The following TEKT5 variants were observed in gnomAD, a reference collection of about 807,000 sequenced individuals.
TEKT5 encodes tektin-5.
In TEKT5, 52 loss-of-function variants were observed where a neutral mutation model predicts 48.7. That is an observed-to-expected ratio of 1.07 (90% CI 0.86 to 1.35). The LOEUF (loss-of-function observed/expected upper bound fraction) is 1.35, where lower values mean the gene tolerates loss of function less well. Ranked by LOEUF, TEKT5 falls within the 40% of genes most tolerant of loss-of-function variation. The probability of loss-of-function intolerance (pLI) is 0.00; values close to 1 mark genes in which losing one functional copy is unlikely to be tolerated. For missense variants in TEKT5, 831 were observed against 641.6 expected (o/e 1.30, Z -3.19); for synonymous variants, 318 against 267.6 (o/e 1.19, Z -1.84).
intron 4 of TEKT5, among the ~76,000 whole-genome samples, 199 bp downstream of exon 4, chr16:10,681,794 A>T (rs1898756781): frequency 6.6e-6 from 1 of 151,822 alleles, no homozygotes; most frequent in African/African-American, 2.4e-5. Context: ...TGGCTCCCCC[A>T]TACCTCCTCC....
At chr16:10,661,826 A>G (rs1173578398) in intron 5 of TEKT5, among the ~76,000 whole-genome samples, 2 of 152,142 alleles carry the variant, frequency 1.3e-5, no homozygotes, top group Non-Finnish European at 2.9e-5. Flanking sequence ...TGTGAGCCTC[A>G]GTTTCCCCAT....
intron 5 of TEKT5, among the ~76,000 whole-genome samples, chr16:10,648,822 G>C (rs1898110301): frequency 6.6e-6 from 1 of 152,232 alleles, no homozygotes; most frequent in Non-Finnish European, 1.5e-5. Flanking sequence ...GCAGGCCACA[G>C]GCTCAGACTG....
intron 5 of TEKT5, among the ~76,000 whole-genome samples, chr16:10,643,650 ATC>A (rs1444008331): frequency 6.6e-6 from 1 of 152,266 alleles, no homozygotes; most frequent in African/African-American, 2.4e-5. Context: ...GTTATAAAAT[ATC>A]TCTGCAATAA....
chr16:10,636,666 G>A (rs183375139), intron 5 of TEKT5, among the ~76,000 whole-genome samples: 276 of 144,748 alleles, frequency 1.9e-3, no homozygotes, highest in African/African-American at 6.9e-3. Flanking sequence ...ACTTCATCTG[G>A]GTTTTTTCAT....
intron 2 of TEKT5, 121 bp downstream of exon 2, chr16:10,689,821 C>A: frequency 1.1e-6 from 1 of 946,098 alleles, no homozygotes; most frequent in East Asian, 2.6e-5. Context: ...TTCCTGAGCC[C>A]TCACTTTCCA....
At chr16:10,643,084 A>G (rs1898018032) in intron 5 of TEKT5, among the ~76,000 whole-genome samples, 1 of 152,216 alleles carries the variant, frequency 6.6e-6, no homozygotes, top group African/African-American at 2.4e-5. Flanking sequence ...GTGTCAATTT[A>G]AAAAATAAAA....
chr16:10,661,044 G>A (rs1898362358), intron 5 of TEKT5, among the ~76,000 whole-genome samples: 1 of 152,036 alleles, frequency 6.6e-6, no homozygotes. Context: ...TTAAATTGCT[G>A]CAAGTCTCAA....
In TEKT5 at chr16:10,678,350, G is replaced by C. The variant is rs140219814; in HGVS notation, c.864-2169C>G. Among the ~76,000 whole-genome samples the C allele has an allele frequency of 5.0e-3, 760 of 152,216 alleles. 11 individuals are homozygous for C. The highest frequency in any genetic ancestry group is 0.017 in the African/African-American group (690 of 41,530). On this transcript the variant is annotated intron_variant, in intron 4 of 6. Transcript: ENST00000283025. ...TTGACGTCGTGATTCGCCCACCTCA[G>C]CCTCCCAAAGTGCTGGAATTACGGG...
At chr16:10,637,547 A>C (rs1897934024) in intron 5 of TEKT5, among the ~76,000 whole-genome samples, 1 of 152,226 alleles carries the variant, frequency 6.6e-6, no homozygotes, top group Admixed American at 6.5e-5. Context: ...ATATGATGTC[A>C]CCATTGTACC....
intron 5 of TEKT5, among the ~76,000 whole-genome samples, chr16:10,639,981 TTTC>T (rs1897967430): frequency 6.8e-6 from 1 of 148,056 alleles, no homozygotes; most frequent in African/African-American, 2.5e-5. Context: ...ATGCTTCTTC[TTTC>T]TTCTTTTTCT....
At chr16:10,631,389 C>G (rs1897839882) in intron 6 of TEKT5, among the ~76,000 whole-genome samples, 1 of 150,320 alleles carries the variant, frequency 6.7e-6, no homozygotes, top group African/African-American at 2.5e-5. Context: ...GAATGGCATG[C>G]TGACTCGAGT....
intron 5 of TEKT5, among the ~76,000 whole-genome samples, chr16:10,640,127 C>CTCCCTCCTCCCCCT (rs1897973933): frequency 7.6e-6 from 1 of 131,170 alleles, no homozygotes; most frequent in Admixed American, 7.9e-5. Flanking sequence ...CTCCTCCCCC[C>CTCCCTCCTCCCCCT]TTCCTCCTCC....
chr16:10,667,370 A>C (rs1039378217), intron 5 of TEKT5, among the ~76,000 whole-genome samples: 2 of 152,216 alleles, frequency 1.3e-5, no homozygotes, highest in African/African-American at 4.8e-5. Flanking sequence ...ACCGACTCCT[A>C]TACCAATCAC....
chr16:10,691,296 G>C lies in TEKT5; in HGVS notation c.565-1271C>G, dbSNP rs943457201. ...GCCAAAATCATGCCACTGCACTCCAGCCTGAGCAACAGACAAAGACCCTGT... is the reference window on the plus strand; with the variant it reads ...GCCAAAATCATGCCACTGCACTCCACCCTGAGCAACAGACAAAGACCCTGT... On this transcript the variant is annotated intron_variant, in intron 1 of 6. Coordinates refer to ENST00000283025, the MANE Select transcript of TEKT5 (RefSeq NM_144674.2). 4.1e-4 allele frequency: 62 copies of C among 152,324 alleles called. 3 individuals are homozygous for C. The highest frequency in any genetic ancestry group is 1.5e-5 in the Non-Finnish European group (1 of 68,180). 9.4% of individuals were successfully genotyped at this position (152,324 alleles called of 1,614,324 possible).
intron 5 of TEKT5, among the ~76,000 whole-genome samples, chr16:10,661,141 G>A (rs1049830270): frequency 1.3e-5 from 2 of 152,164 alleles, no homozygotes; most frequent in African/African-American, 4.8e-5. Context: ...AATGTATTGG[G>A]CATGGCTGTG....
chr16:10,654,036 G>A (rs566443787), intron 5 of TEKT5, among the ~76,000 whole-genome samples: 3 of 145,210 alleles, frequency 2.1e-5, no homozygotes, highest in African/African-American at 8.6e-5. Flanking sequence ...GTGTGCACAT[G>A]TGTGTGTGTG....
At chr16:10,682,179 A>G (rs1360683656) in intron 3 of TEKT5, 43 bp from the exon 4 acceptor site, 1 of 1,598,764 alleles carries the variant, frequency 6.3e-7, no homozygotes, top group African/African-American at 1.3e-5. Flanking sequence ...GCACCTGCAC[A>G]GAGTACCCAG....
chr16:10,664,646 G>A (rs1047961310), intron 5 of TEKT5, among the ~76,000 whole-genome samples: 7 of 152,250 alleles, frequency 4.6e-5, no homozygotes, highest in African/African-American at 9.6e-5. Flanking sequence ...GTGGCACTAA[G>A]GCTGAGAGCG....
Position 10,638,393 on chromosome 16 carries a change from C to T in TEKT5, c.1087-2475G>A, listed in dbSNP as rs11643001. ...TGCTGGTCACGGTGTCCCTCTTCTG[C>T]GACAAGGCCCTTTGAGGACAGGCTG... On this transcript the variant is annotated intron_variant, in intron 5 of 6. Transcript: ENST00000283025. Among the ~76,000 whole-genome samples, 1,199 of 152,306 alleles carry T rather than the reference C, an allele frequency of 7.9e-3. 9 individuals are homozygous for T. The highest frequency in any genetic ancestry group is 0.012 in the Non-Finnish European group (793 of 68,032).
Sources: allele counts gnomAD v4.1 joint callset (sites outside exome capture counted in the v4.1 genomes callset), GRCh38; gene constraint gnomAD v4.1.1; transcripts MANE v1.5; gene names NCBI Gene and HGNC (gene_info 2026-07-23, HGNC 2026-07-21).